KIRREL1: variants seen among roughly 807,000 people sequenced by gnomAD.
KIRREL1 encodes the protein kirre like nephrin family adhesion molecule 1, also known as kin of IRRE-like protein 1.
In KIRREL1, 25 loss-of-function variants were observed where a neutral mutation model predicts 83.3. The observed-to-expected ratio is 0.30, with a 90% CI of 0.22 to 0.42. The LOEUF (loss-of-function observed/expected upper bound fraction) is 0.42, where lower values mean the gene tolerates loss of function less well. Ranked by LOEUF, KIRREL1 falls within the 10% of genes least tolerant of loss-of-function variation. The pLI, the probability that KIRREL1 is intolerant of heterozygous loss-of-function variation, is 1.00. For synonymous variants in KIRREL1, 388 were observed against 410.4 expected (o/e 0.95, Z 0.66); for missense variants, 812 against 1,032.3 (o/e 0.79, Z 2.92).
chr1:158,036,991 TG>T (rs1436988571), intron 1 of KIRREL1, among the ~76,000 whole-genome samples: 2 of 152,146 alleles, frequency 1.3e-5, no homozygotes, highest in Non-Finnish European at 2.9e-5. Flanking sequence ...GAGCCTGAGA[TG>T]GGACAGTCTC....
chr1:158,094,836 G>A lies in KIRREL1; in HGVS notation c.1990G>A (p.Glu664Lys). The A allele has an allele frequency of 6.2e-7, 1 of 1,613,968 alleles. No homozygotes were observed. The highest frequency in any genetic ancestry group is 1.7e-4 in the Middle Eastern group (1 of 6,060). ...GGGCCCTGCCTCTGACTATGGCCCT[G>A]AGCCCACACCCCCTGGCCCTGCTGC... is the stretch of plus-strand genomic sequence containing the variant. Reference protein sequence around the residue: ...SRGPASDYGPEPTPPGPAAPA... With the variant: ...SRGPASDYGPKPTPPGPAAPA... The change falls in exon 15 of 15, where the codon GAG becomes AAG. Residue 664 changes from glutamate (E) to lysine (K), a missense_variant. By Grantham distance (56) the Glu-to-Lys change is moderately conservative (BLOSUM62 1). Around this residue, in one of 3 missense-constraint regions of KIRREL1, gnomAD observed 334 missense variants for 383.7 expected, o/e 0.87. Transcript: ENST00000359209. This position sits in a 1 kb window ranked among gnomAD's most constrained non-coding sequence, Gnocchi z 4.6.
intron 1 of KIRREL1, among the ~76,000 whole-genome samples, chr1:158,065,703 T>C (rs1044780539): frequency 1.3e-5 from 2 of 152,110 alleles, no homozygotes; most frequent in Non-Finnish European, 2.9e-5. Flanking sequence ...TGGCTAATCC[T>C]TTCAAAGCTC....
chr1:158,004,972 CCT>C (rs1240564939), intron 1 of KIRREL1, among the ~76,000 whole-genome samples: 1 of 152,134 alleles, frequency 6.6e-6, no homozygotes, highest in Non-Finnish European at 1.5e-5. Flanking sequence ...TTTAAAAACC[CCT>C]TTCTTTCCAG....
intron 2 of KIRREL1, among the ~76,000 whole-genome samples, chr1:158,077,589 G>A (rs1661720445): frequency 6.6e-6 from 1 of 152,122 alleles, no homozygotes; most frequent in Admixed American, 6.5e-5. Context: ...TCCTGCAGAG[G>A]TGCTCCCATG....
chr1:158,002,394 G>T (rs563908766), intron 1 of KIRREL1, among the ~76,000 whole-genome samples: 2 of 152,310 alleles, frequency 1.3e-5, no homozygotes, highest in Admixed American at 6.5e-5. Flanking sequence ...ATTTCCACTG[G>T]TCTGTGGCCT....
chr1:158,015,562 T>C (rs1659805492), intron 1 of KIRREL1, among the ~76,000 whole-genome samples: 1 of 152,202 alleles, frequency 6.6e-6, no homozygotes, highest in Non-Finnish European at 1.5e-5. Flanking sequence ...GCATTTATGG[T>C]AGGAATGTTG....
intron 8 of KIRREL1, 116 bp from the exon 9 acceptor site, chr1:158,089,385 TG>T: frequency 6.6e-7 from 1 of 1,526,550 alleles, no homozygotes; most frequent in Non-Finnish European, 8.9e-7. Flanking sequence ...ATTTCCCTTC[TG>T]GGAATTCACT....
Position 158,093,625 on chromosome 1 carries a change from C to A in KIRREL1, c.1582C>A (p.Arg528Ser). Reference protein sequence around the residue: ...FFLYRRRKGSRKDVTLRKLDI... With the variant: ...FFLYRRRKGSSKDVTLRKLDI... ...CCAGGCTGCCTCTCCCGTCCCAGGT[C>A]GCAAAGACGTGACCCTGAGGAAGCT... is the stretch of plus-strand genomic sequence containing the variant. The change falls in exon 13 of 15, where the codon CGC becomes AGC. Residue 528 changes from arginine (R) to serine (S), a missense_variant and splice_region_variant. Transcript: ENST00000359209. The A allele has an allele frequency of 6.2e-7, 1 of 1,614,108 alleles. No individual in the cohort carries two copies. Among genetic ancestry groups the A allele is most frequent in the Non-Finnish European group, 8.5e-7 (1 of 1,180,004 alleles).
intron 1 of KIRREL1, among the ~76,000 whole-genome samples, chr1:158,006,744 C>T (rs866752773): frequency 6.2e-4 from 95 of 152,256 alleles, no homozygotes; most frequent in African/African-American, 2.2e-3. Flanking sequence ...CATTTCTAGC[C>T]GATGGCCTGA....
In KIRREL1 at chr1:158,037,434, A is replaced by G. The variant is rs531221558; in HGVS notation, c.53-38679A>G. Among the ~76,000 whole-genome samples, 32 of 147,084 alleles carry G rather than the reference A, an allele frequency of 2.2e-4. No individual in the cohort carries two copies. In the East Asian group the frequency reaches 3.9e-3, roughly 18 times the overall value. On this transcript the variant is annotated intron_variant, in intron 1 of 14. Transcript: ENST00000359209. ...CTTGAACCTGCGAGGCAGAGGTTGC[A>G]GTAAGCTGAGATTGCGCCACTGCAC...
At chr1:158,069,302 T>TTGTGTGTG (rs57076623) in intron 1 of KIRREL1, among the ~76,000 whole-genome samples, 3,225 of 143,314 alleles carry the variant, frequency 0.023, 49 homozygotes, top group Non-Finnish European at 0.033. Flanking sequence ...TATGACGTAC[T>TTGTGTGTG]TGTGTGTGTG....
At chr1:158,011,714 G>T (rs1659691763) in intron 1 of KIRREL1, among the ~76,000 whole-genome samples, 1 of 152,180 alleles carries the variant, frequency 6.6e-6, no homozygotes, top group Non-Finnish European at 1.5e-5. Context: ...AGGTGAAGGA[G>T]GGAACCAGGA....
rs1662346259 is a variant in KIRREL1 at position 158,095,992 on chromosome 1, CTT to C, written c.*873_*874del. The C allele has an allele frequency of 6.4e-6, 1 of 155,508 alleles. No individual in the cohort carries two copies. The highest frequency in any genetic ancestry group is 2.0e-4 in the South Asian group (1 of 5,034). The allele number at this position is 155,508 out of a possible 1,614,324, so 9.6% of individuals were successfully genotyped here. ...TCTGCCCCACTTCCTGGCTTTAACT[CTT>C]GAGCTGGTTTGGGGAGTGGTGAGGT... On this transcript the variant is annotated 3_prime_UTR_variant, in exon 15 of 15. Transcript: ENST00000359209.
At chr1:158,010,031 A>G (rs535928195) in intron 1 of KIRREL1, among the ~76,000 whole-genome samples, 12 of 152,054 alleles carry the variant, frequency 7.9e-5, no homozygotes, top group Non-Finnish European at 1.5e-4. Flanking sequence ...ACCTGGGCCT[A>G]TTTTCTTATC....
chr1:158,019,058 C>T (rs1406132038), intron 1 of KIRREL1, among the ~76,000 whole-genome samples: 1 of 152,150 alleles, frequency 6.6e-6, no homozygotes, highest in African/African-American at 2.4e-5. Flanking sequence ...TCCAGAGCCT[C>T]CACTCTGCCC....
rs1412600724 is a variant in KIRREL1 at position 158,094,893 on chromosome 1, T to C, written c.2047T>C (p.Ser683Pro). ...TGGCACTGACACAACCAGCCAGCTG[T>C]CCTACGAGAACTATGAGAAGTTCAA... ...PAGTDTTSQL[S>P]YENYEKFNSH... is the part of the protein sequence containing the mutation. Residue 683 changes from serine to proline, a missense_variant, in exon 15 of 15, where the codon TCC becomes CCC. By Grantham distance (74) the Ser-to-Pro change is moderately conservative. Around this residue, in one of 3 missense-constraint regions of KIRREL1, gnomAD observed 334 missense variants for 383.7 expected, o/e 0.87. Coordinates refer to ENST00000359209, the MANE Select transcript of KIRREL1 (RefSeq NM_018240.7). The surrounding 1 kb of genome is among the most constrained non-coding windows in gnomAD (Gnocchi z 4.6). The C allele has an allele frequency of 2.5e-6, 4 of 1,614,000 alleles. No homozygotes were observed. The highest frequency in any genetic ancestry group is 3.4e-6 in the Non-Finnish European group (4 of 1,179,966).
At chr1:158,064,933 C>CTTTT (rs869035914) in intron 1 of KIRREL1, among the ~76,000 whole-genome samples, 14 of 82,710 alleles carry the variant, frequency 1.7e-4, no homozygotes, top group African/African-American at 3.2e-4. Flanking sequence ...ACCTGCTGGT[C>CTTTT]TTTTTTTTTT....
At chr1:158,039,451 A>G (rs1557999286) in intron 1 of KIRREL1, among the ~76,000 whole-genome samples, 1 of 152,096 alleles carries the variant, frequency 6.6e-6, no homozygotes, top group Non-Finnish European at 1.5e-5. Flanking sequence ...AATTAGTGGT[A>G]TTGGCTCGAG....
chr1:158,057,800 T>C (rs1027408299), intron 1 of KIRREL1, among the ~76,000 whole-genome samples: 2 of 152,206 alleles, frequency 1.3e-5, no homozygotes, highest in African/African-American at 4.8e-5. Flanking sequence ...GACCTGGATT[T>C]CTAGTTTCTA....
Sources: allele counts gnomAD v4.1 joint callset (sites outside exome capture counted in the v4.1 genomes callset), GRCh38; gene constraint gnomAD v4.1.1; regional missense constraint gnomAD v4.1.1; non-coding constraint Gnocchi (gnomAD v3.1); transcripts MANE v1.5; gene names NCBI Gene and HGNC (gene_info 2026-07-23, HGNC 2026-07-21).